KIF13A: variants seen among roughly 807,000 people sequenced by gnomAD.
KIF13A encodes kinesin-like protein KIF13A.
KIF13A carries 79 observed loss-of-function variants against 212.2 expected under a neutral mutation model. The ratio of observed to expected loss-of-function variants is 0.37; its 90% CI spans 0.31 to 0.45. The LOEUF (loss-of-function observed/expected upper bound fraction) is 0.45, where lower values mean the gene tolerates loss of function less well. Among genes scored for constraint, KIF13A ranks in the 20% least tolerant of loss-of-function variants. The pLI, the probability that KIF13A is intolerant of heterozygous loss-of-function variation, is 1.00. For missense variants in KIF13A, 1,901 were observed against 2,209.0 expected (o/e 0.86, Z 2.79); for synonymous variants, 789 against 808.6 (o/e 0.98, Z 0.41).
In KIF13A at chr6:17,982,507, C is replaced by A. The variant is rs1781179310; in HGVS notation, c.146+4547G>T. Reference sequence around the variant, plus strand: ...GTAAGAGGAAGCTTTCTTCAACTGACCCTCCCTCACACGATTTGCAAGGTG... The same window carrying A: ...GTAAGAGGAAGCTTTCTTCAACTGAACCTCCCTCACACGATTTGCAAGGTG... On this transcript the variant is annotated intron_variant, in intron 2 of 38. Transcript: ENST00000259711. The surrounding 1 kb of genome is among the most constrained non-coding windows in gnomAD (Gnocchi z 5.1). The A allele has an allele frequency of 1.3e-6, 1 of 779,158 alleles. No homozygotes were observed. Among genetic ancestry groups the A allele is most frequent in the African/African-American group, 1.9e-5 (1 of 52,820 alleles). 48.3% of individuals were successfully genotyped at this position (779,158 alleles called of 1,614,324 possible). A position where few individuals can be genotyped will look rare whatever the true frequency, so the allele number is the denominator to read the frequency against.
intron 9 of KIF13A, among the ~76,000 whole-genome samples, chr6:17,846,367 G>C (rs1190174594): frequency 6.6e-6 from 1 of 152,016 alleles, no homozygotes; most frequent in Non-Finnish European, 1.5e-5. Flanking sequence ...GAGACTCTCA[G>C]AGTGTATGAA....
At chr6:17,859,387 G>C (rs1287628641) in intron 4 of KIF13A, among the ~76,000 whole-genome samples, 1 of 151,574 alleles carries the variant, frequency 6.6e-6, no homozygotes, top group Non-Finnish European at 1.5e-5. Context: ...AGGGTGGCTT[G>C]AGGAGAGGAG....
chr6:17,985,049 C>T (rs1344987417), intron 2 of KIF13A, among the ~76,000 whole-genome samples: 1 of 152,158 alleles, frequency 6.6e-6, no homozygotes, highest in East Asian at 1.9e-4. Context: ...TTCATCTGTG[C>T]AAAGACAGTA....
chr6:17,876,135 G>T (rs1249092890), intron 3 of KIF13A, among the ~76,000 whole-genome samples: 1 of 152,132 alleles, frequency 6.6e-6, no homozygotes, highest in Non-Finnish European at 1.5e-5. Context: ...CAGCCCAGGT[G>T]ACTCAGCAGC....
rs1767502953 is a variant in KIF13A, at chr6:17,850,212, G to A, written c.717+111C>T. 3.0e-6 allele frequency: 3 copies of A among 1,007,244 alleles called. No individual in the cohort carries two copies. The South Asian group carries it at 7.5e-5, about 25-fold the overall frequency. The allele number at this position is 1,007,244 out of a possible 1,614,324, so 62.4% of individuals were successfully genotyped here. On this transcript the variant is annotated intron_variant, in intron 8 of 38. Transcript: ENST00000259711. This position sits in a 1 kb window ranked among gnomAD's most constrained non-coding sequence, Gnocchi z 6.2. ...AAAGTAGCTCACCTAGTAAGCAGAAGAGCCAACATACAATTCTCAGCCACT... is the reference window on the plus strand; with the variant it reads ...AAAGTAGCTCACCTAGTAAGCAGAAAAGCCAACATACAATTCTCAGCCACT...
chr6:17,949,209 C>T (rs930970283), intron 2 of KIF13A, among the ~76,000 whole-genome samples: 6 of 152,018 alleles, frequency 3.9e-5, no homozygotes, highest in African/African-American at 1.5e-4. Context: ...TTTATCGTGC[C>T]CTGGTTTGTC....
intron 2 of KIF13A, among the ~76,000 whole-genome samples, chr6:17,924,674 G>A (rs900685357): frequency 6.6e-6 from 1 of 152,170 alleles, no homozygotes; most frequent in Non-Finnish European, 1.5e-5. Context: ...CAAGGACAAA[G>A]AGTTATAGGA....
At chr6:17,833,060 C>A (rs1267330615) in intron 12 of KIF13A, among the ~76,000 whole-genome samples, 2 of 144,010 alleles carry the variant, frequency 1.4e-5, no homozygotes, top group Non-Finnish European at 3.0e-5. Flanking sequence ...GGCAGACTTT[C>A]GTTTAAATGT....
chr6:17,824,070 G>C (rs982338001), intron 16 of KIF13A, among the ~76,000 whole-genome samples: 1 of 151,892 alleles, frequency 6.6e-6, no homozygotes, highest in African/African-American at 2.4e-5. Flanking sequence ...ACCATGCCTG[G>C]CTAACTTTTG....
At chr6:17,869,014 A>C (rs1225437195) in intron 4 of KIF13A, among the ~76,000 whole-genome samples, 1 of 149,876 alleles carries the variant, frequency 6.7e-6, no homozygotes, top group Non-Finnish European at 1.5e-5. Flanking sequence ...AAAAAAAAAA[A>C]AAAAAACACA....
chr6:17,849,691 T>C lies in KIF13A; in HGVS notation c.718-202A>G, dbSNP rs1008656349. On this transcript the variant is annotated intron_variant, in intron 8 of 38. Transcript: ENST00000259711. The surrounding 1 kb of genome is among the most constrained non-coding windows in gnomAD (Gnocchi z 5.7). ...TTTAAATAGGCGTAGAAATGTAGCATTTTGTTTTGCAGCTGGGTAGCAAGT... is the reference window on the plus strand; with the variant it reads ...TTTAAATAGGCGTAGAAATGTAGCACTTTGTTTTGCAGCTGGGTAGCAAGT... 1.3e-5 allele frequency among the ~76,000 whole-genome samples: 2 copies of C among 152,222 alleles called. No homozygotes were observed. The highest frequency in any genetic ancestry group is 2.4e-5 in the African/African-American group (1 of 41,472).
chr6:17,828,549 TA>T lies in KIF13A; in HGVS notation c.1402-180del, dbSNP rs139145232. On this transcript the variant is annotated intron_variant, in intron 13 of 38. Transcript: ENST00000259711. This position sits in a 1 kb window ranked among gnomAD's most constrained non-coding sequence, Gnocchi z 4.3. ...AACGCTTACCCTTAATACACCAAAT[TA>T]AAAAAAAATGTTTAAACACTACCAA... Among the ~76,000 whole-genome samples the T allele has an allele frequency of 0.034, 5,091 of 151,208 alleles. 303 individuals carry two copies. The highest frequency in any genetic ancestry group is 0.12 in the African/African-American group (4,841 of 41,266).
rs74733002 is a variant in KIF13A, at chr6:17,789,637, G to A, written c.3261+235C>T. On this transcript the variant is annotated intron_variant, in intron 26 of 38. Transcript: ENST00000259711. The surrounding 1 kb of genome is among the most constrained non-coding windows in gnomAD (Gnocchi z 4.8). ...AATGGTCTTGCTTAGCAATAAGCCA[G>A]TAAATCGAGATGGCATAGCAAAAAG... Among the ~76,000 whole-genome samples the A allele has an allele frequency of 0.013, 1,979 of 152,250 alleles. 46 individuals carry two copies. The highest frequency in any genetic ancestry group is 0.045 in the African/African-American group (1,855 of 41,550).
rs1273058819 is a variant in KIF13A at position 17,912,628 on chromosome 6, A to G, written c.147-14448T>C. ...CATGCCACCCTTGTTGAGTTTTATC[A>G]TGCATCTTCAAGTCTCTTTTTTCCA... On this transcript the variant is annotated intron_variant, in intron 2 of 38. Transcript: ENST00000259711. The surrounding 1 kb of genome is among the most constrained non-coding windows in gnomAD (Gnocchi z 4.2). Among the ~76,000 whole-genome samples, 1 of 152,212 alleles carries G rather than the reference A, an allele frequency of 6.6e-6. No homozygotes were observed. Among genetic ancestry groups the G allele is most frequent in the Non-Finnish European group, 1.5e-5 (1 of 68,038 alleles).
intron 29 of KIF13A, among the ~76,000 whole-genome samples, chr6:17,782,167 C>T (rs1760652786): frequency 6.6e-6 from 1 of 151,312 alleles, no homozygotes; most frequent in Admixed American, 6.6e-5. Context: ...AATCTCTTGA[C>T]CTCATGATCC....
intron 9 of KIF13A, among the ~76,000 whole-genome samples, chr6:17,841,589 T>C (rs1389302862): frequency 6.6e-6 from 1 of 152,130 alleles, no homozygotes; most frequent in African/African-American, 2.4e-5. Flanking sequence ...GGAAGTGTTA[T>C]ATAACTCCAA....
chr6:17,928,914 A>G (rs1447684711), intron 2 of KIF13A, among the ~76,000 whole-genome samples: 1 of 152,140 alleles, frequency 6.6e-6, no homozygotes, highest in Non-Finnish European at 1.5e-5. Context: ...GTATATTTCC[A>G]TTATATAATG....
chr6:17,910,745 T>G (rs1416965525), intron 2 of KIF13A, among the ~76,000 whole-genome samples: 1 of 152,192 alleles, frequency 6.6e-6, no homozygotes, highest in African/African-American at 2.4e-5. Flanking sequence ...TTCTAATAAA[T>G]TCAAGGTTTT....
rs372286012 is a variant in KIF13A at position 17,816,984 on chromosome 6, G to A, written c.2000+36C>T. 9.0e-6 allele frequency: 14 copies of A among 1,557,346 alleles called. No homozygotes were observed. Among genetic ancestry groups the A allele is most frequent in the Non-Finnish European group, 1.2e-5 (14 of 1,146,490 alleles). On this transcript the variant is annotated intron_variant, in intron 17 of 38. Coordinates refer to ENST00000259711, the MANE Select transcript of KIF13A (RefSeq NM_022113.6). The surrounding 1 kb of genome is among the most constrained non-coding windows in gnomAD (Gnocchi z 4.3). ...TCCCTCAAAGACCCACGGCCTTGGGGCCTTGACTCTGGGCTGCCCCCGCTG... is the reference window on the plus strand; with the variant it reads ...TCCCTCAAAGACCCACGGCCTTGGGACCTTGACTCTGGGCTGCCCCCGCTG...
Sources: allele counts gnomAD v4.1 joint callset (sites outside exome capture counted in the v4.1 genomes callset), GRCh38; gene constraint gnomAD v4.1.1; non-coding constraint Gnocchi (gnomAD v3.1); transcripts MANE v1.5; gene names NCBI Gene and HGNC (gene_info 2026-07-23, HGNC 2026-07-21).